FRAS1: variants seen among roughly 807,000 people sequenced by gnomAD.
FRAS1 encodes extracellular matrix organizing protein FRAS1.
In FRAS1, 290 loss-of-function variants were observed where a neutral mutation model predicts 435.2. The ratio of observed to expected loss-of-function variants is 0.67; its 90% CI spans 0.61 to 0.73. FRAS1 has a LOEUF of 0.73. FRAS1 is among the 30% of genes least tolerant of loss of function. FRAS1 has a pLI of 0.00. For synonymous variants in FRAS1, 1,800 were observed against 1,851.0 expected, an observed-to-expected ratio of 0.97 and a Z score of 0.71; for missense variants, 4,860 against 5,001.5, an observed-to-expected ratio of 0.97 and a Z score of 0.85.
chr4:78,180,448 G>A (rs1336328863), intron 2 of FRAS1, among the ~76,000 whole-genome samples: 1 of 152,180 alleles, frequency 6.6e-6, no homozygotes, highest in South Asian at 2.1e-4. Flanking sequence ...AAGCCAGTAT[G>A]TCCAATATTT....
At chr4:78,082,607 G>A (rs1172525196) in intron 2 of FRAS1, among the ~76,000 whole-genome samples, 1 of 151,982 alleles carries the variant, frequency 6.6e-6, no homozygotes, top group East Asian at 1.9e-4. Context: ...ATTGCTACAG[G>A]AGACAGGATT....
intron 30 of FRAS1, among the ~76,000 whole-genome samples, chr4:78,407,229 G>C (rs951989188): frequency 3.3e-5 from 5 of 152,148 alleles, no homozygotes; most frequent in African/African-American, 1.2e-4. Context: ...ATTTTCCACT[G>C]AATTGTTTCT....
chr4:78,423,401 G>A (rs1466589409), intron 34 of FRAS1, among the ~76,000 whole-genome samples: 4 of 151,884 alleles, frequency 2.6e-5, no homozygotes, highest in South Asian at 4.2e-4. Flanking sequence ...TCCTGACCTC[G>A]TGATCCACCT....
chr4:78,161,438 C>T (rs1347115491), intron 2 of FRAS1, among the ~76,000 whole-genome samples: 1 of 151,992 alleles, frequency 6.6e-6, no homozygotes, highest in African/African-American at 2.4e-5. Flanking sequence ...GATTTTCTCA[C>T]TCGTGATGTG....
chr4:78,083,626 G>GTTTTTT lies in FRAS1; in HGVS notation c.108+17624_108+17629dup, dbSNP rs35633131. Among the ~76,000 whole-genome samples, 610 of 108,258 alleles carry GTTTTTT rather than the reference G, an allele frequency of 5.6e-3. 40 individuals are homozygous for GTTTTTT. The highest frequency in any genetic ancestry group is 0.02 in the African/African-American group (553 of 27,410). 71.0% of individuals were successfully genotyped at this position (108,258 alleles called of 152,430 possible). On this transcript the variant is annotated intron_variant, in intron 2 of 73. Transcript: ENST00000512123. ...TTATTTTTCATTACATGCAAGTTCTGTTTTTTTTTTTTTTTTTTTGCAAGA... is the reference window on the plus strand; with the variant it reads ...TTATTTTTCATTACATGCAAGTTCTGTTTTTTTTTTTTTTTTTTTTTTTTTGCAAGA...
intron 2 of FRAS1, among the ~76,000 whole-genome samples, chr4:78,233,457 G>A (rs1724599303): frequency 6.6e-6 from 1 of 152,158 alleles, no homozygotes; most frequent in Non-Finnish European, 1.5e-5. Context: ...GTGTAGACTG[G>A]AATGAGAAGA....
chr4:78,468,485 ACAT>A (rs11267487), intron 50 of FRAS1, among the ~76,000 whole-genome samples: 4,389 of 150,204 alleles, frequency 0.029, 213 homozygotes, highest in African/African-American at 0.098. Context: ...GAAGCTGTAA[ACAT>A]CATCATCATC....
chr4:78,385,381 G>A (rs1732180782), intron 28 of FRAS1, among the ~76,000 whole-genome samples: 2 of 152,106 alleles, frequency 1.3e-5, no homozygotes, highest in African/African-American at 4.8e-5. Context: ...TTCATCTGAT[G>A]TTTTTATATC....
chr4:78,322,611 A>G (rs944281891), intron 18 of FRAS1, among the ~76,000 whole-genome samples: 9 of 151,634 alleles, frequency 5.9e-5, no homozygotes, highest in Admixed American at 4.6e-4. Context: ...AAGTGGTGTC[A>G]GCAGTTATCG....
At chr4:78,278,603 C>G (rs1396488080) in intron 9 of FRAS1, 52 bp from the exon 10 acceptor site, 8 of 1,027,066 alleles carry the variant, frequency 7.8e-6, no homozygotes, top group Non-Finnish European at 1.1e-5. Context: ...TTTAGCCCTG[C>G]TACCTGGAGA....
In FRAS1 at chr4:78,237,856, G is replaced by A. The variant is rs1462659384; in HGVS notation, c.216+239G>A. On this transcript the variant is annotated intron_variant, in intron 3 of 73. Transcript: ENST00000512123. The stretch of plus-strand genomic sequence containing the variant: ...TATTGGGCATTTACTCTGGACCAGG[G>A]ACTTGGCTTAAGGTCTTAATAATGT... 2.6e-5 allele frequency among the ~76,000 whole-genome samples: 4 copies of A among 152,246 alleles called. No homozygotes were observed. The East Asian group carries it at 5.8e-4, about 22-fold the overall frequency.
chr4:78,464,258 A>G (rs1719455390), intron 48 of FRAS1, 113 bp downstream of exon 48: 3 of 1,427,910 alleles, frequency 2.1e-6, no homozygotes, highest in Non-Finnish European at 2.8e-6. Context: ...CTCTGCTCTC[A>G]GTCAAGGGGT....
intron 5 of FRAS1, among the ~76,000 whole-genome samples, chr4:78,253,207 A>G (rs1453755845): frequency 6.6e-6 from 1 of 152,174 alleles, no homozygotes. Flanking sequence ...GGCTGTCTGC[A>G]AGAAGAAAAA....
chr4:78,299,296 C>T (rs2110204611), intron 14 of FRAS1, among the ~76,000 whole-genome samples: 1 of 152,176 alleles, frequency 6.6e-6, no homozygotes, highest in Admixed American at 6.5e-5. Context: ...TTCTTTGGTC[C>T]CTGTCCTGAT....
chr4:78,450,084 A>C, intron 44 of FRAS1, 67 bp from the exon 45 acceptor site: 1 of 1,328,168 alleles, frequency 7.5e-7, no homozygotes, highest in Non-Finnish European at 1.1e-6. Context: ...AGTCTCCTAA[A>C]ATCATTTGAC....
chr4:78,467,848 G>A (rs1298885803), intron 50 of FRAS1, among the ~76,000 whole-genome samples: 1 of 152,120 alleles, frequency 6.6e-6, no homozygotes, highest in Non-Finnish European at 1.5e-5. Context: ...CTTTTCATAT[G>A]TCTCTTTTCC....
chr4:78,112,541 A>G (rs1315949200), intron 2 of FRAS1, among the ~76,000 whole-genome samples: 2 of 152,072 alleles, frequency 1.3e-5, no homozygotes, highest in African/African-American at 4.8e-5. Flanking sequence ...AATGCAAATC[A>G]TTAATATTTT....
At chr4:78,262,919 A>T (rs1726181967) in intron 6 of FRAS1, among the ~76,000 whole-genome samples, 1 of 152,148 alleles carries the variant, frequency 6.6e-6, no homozygotes, top group Admixed American at 6.5e-5. Flanking sequence ...CAACTTACTC[A>T]ATTATACCAT....
chr4:78,201,599 CT>C (rs1430806585), intron 2 of FRAS1, among the ~76,000 whole-genome samples: 1 of 152,190 alleles, frequency 6.6e-6, no homozygotes, highest in Non-Finnish European at 1.5e-5. Flanking sequence ...ATATCCACCC[CT>C]CTACATAGGA....
Sources: allele counts gnomAD v4.1 joint callset (sites outside exome capture counted in the v4.1 genomes callset), GRCh38; gene constraint gnomAD v4.1.1; transcripts MANE v1.5; gene names NCBI Gene and HGNC (gene_info 2026-07-23, HGNC 2026-07-21).